APLF: variants seen among roughly 807,000 people sequenced by gnomAD.
APLF encodes the protein aprataxin and PNK-like factor.
In APLF, 61 loss-of-function variants were observed where a neutral mutation model predicts 55.6. The observed-to-expected ratio is 1.10, with a 90% CI of 0.89 to 1.36. APLF has a LOEUF of 1.36. APLF is among the 40% of genes most tolerant of loss of function. The pLI is 0.00. For missense variants in APLF, 611 were observed against 602.5 expected, an observed-to-expected ratio of 1.01 and a Z score of -0.15; for synonymous variants, 207 against 214.8, an observed-to-expected ratio of 0.96 and a Z score of 0.32.
chr2:68,558,863 C>T (rs963286818), intron 8 of APLF, among the ~76,000 whole-genome samples: 4 of 152,032 alleles, frequency 2.6e-5, no homozygotes, highest in Non-Finnish European at 4.4e-5. Flanking sequence ...CATGTATTCT[C>T]ATTGTTCAGC....
intron 5 of APLF, among the ~76,000 whole-genome samples, chr2:68,517,309 AAT>A (rs1198726334): frequency 8.4e-6 from 1 of 118,952 alleles, no homozygotes; most frequent in Non-Finnish European, 1.6e-5. Flanking sequence ...ATTACTATAT[AAT>A]ATATTAATAT....
At chr2:68,536,667 A>G (rs1447755325) in intron 6 of APLF, among the ~76,000 whole-genome samples, 1 of 152,162 alleles carries the variant, frequency 6.6e-6, no homozygotes, top group African/African-American at 2.4e-5. Context: ...TAATGAGAGT[A>G]TTTATTTGGT....
intron 5 of APLF, chr2:68,515,712 AAGAT>A (rs1317844059): frequency 1.0e-6 from 1 of 983,708 alleles, no homozygotes; most frequent in African/African-American, 1.8e-5. Flanking sequence ...GCTTCAAAAT[AAGAT>A]AGAAGAGTCT....
intron 1 of APLF, among the ~76,000 whole-genome samples, chr2:68,487,025 A>G (rs1676197199): frequency 6.6e-6 from 1 of 152,096 alleles, no homozygotes; most frequent in Admixed American, 6.5e-5. Flanking sequence ...TTGCAGACCA[A>G]CATCAGTCAT....
intron 2 of APLF, among the ~76,000 whole-genome samples, chr2:68,499,056 TG>T (rs1244747208): frequency 6.6e-6 from 1 of 152,136 alleles, no homozygotes; most frequent in Admixed American, 6.5e-5. Flanking sequence ...AACAAAACAC[TG>T]AAAATAAGGT....
At chr2:68,569,770 CAA>C (rs1288873069) in intron 9 of APLF, among the ~76,000 whole-genome samples, 4 of 152,112 alleles carry the variant, frequency 2.6e-5, no homozygotes, top group East Asian at 1.9e-4. Context: ...AAGGATGAAT[CAA>C]GAGGATTTAC....
rs569395122 is a variant in APLF, at chr2:68,528,024, G to A, written c.804+1782G>A. On this transcript the variant is annotated intron_variant, in intron 6 of 9. Coordinates refer to ENST00000303795, the MANE Select transcript of APLF (RefSeq NM_173545.3). ...CTCGTCACTTCCCAGAGAGGGCGGG[G>A]GCTAGGCAGAGGCGCTCCTCACTGC... 4.0e-5 allele frequency among the ~76,000 whole-genome samples: 6 copies of A among 150,006 alleles called. No individual in the cohort carries two copies. In the South Asian group the frequency reaches 1.3e-3, roughly 32 times the overall value.
intron 8 of APLF, among the ~76,000 whole-genome samples, chr2:68,554,987 G>C (rs1355425104): frequency 6.6e-6 from 1 of 151,878 alleles, no homozygotes; most frequent in African/African-American, 2.4e-5. Flanking sequence ...AGAATAGAGA[G>C]CCCAGAAAAA....
intron 1 of APLF, among the ~76,000 whole-genome samples, chr2:68,488,515 T>C (rs1676257789): frequency 6.6e-6 from 1 of 151,808 alleles, no homozygotes; most frequent in African/African-American, 2.4e-5. Flanking sequence ...TTTTACTTTA[T>C]GTAGAGATGG....
intron 1 of APLF, among the ~76,000 whole-genome samples, chr2:68,485,543 G>C (rs537487261): frequency 6.6e-6 from 1 of 152,220 alleles, no homozygotes; most frequent in South Asian, 2.1e-4. Flanking sequence ...AATCTGTGGA[G>C]TGATACTGAG....
chr2:68,494,308 GAAAA>G (rs1158203729), intron 2 of APLF, among the ~76,000 whole-genome samples: 1 of 128,322 alleles, frequency 7.8e-6, no homozygotes, highest in Non-Finnish European at 1.7e-5. Flanking sequence ...AAAAAGAAAA[GAAAA>G]AAGATTTAAT....
intron 8 of APLF, among the ~76,000 whole-genome samples, chr2:68,564,037 T>C (rs1160406464): frequency 1.3e-5 from 2 of 152,082 alleles, no homozygotes; most frequent in Non-Finnish European, 1.5e-5. Context: ...AGTAACCATT[T>C]TTTCTAAAGT....
chr2:68,513,872 C>T (rs1669490919), intron 5 of APLF, among the ~76,000 whole-genome samples, 192 bp downstream of exon 5: 1 of 151,588 alleles, frequency 6.6e-6, no homozygotes, highest in Non-Finnish European at 1.5e-5. Flanking sequence ...TGCCATTTAT[C>T]AAATACCACC....
chr2:68,535,346 G>T, intron 6 of APLF: 1 of 426,452 alleles, frequency 2.3e-6, no homozygotes, highest in African/African-American at 2.1e-5. Flanking sequence ...ACCTCCATTT[G>T]CCTCATCCTT....
At chr2:68,540,255 G>T (rs1670511036) in intron 7 of APLF, among the ~76,000 whole-genome samples, 1 of 151,974 alleles carries the variant, frequency 6.6e-6, no homozygotes, top group Non-Finnish European at 1.5e-5. Flanking sequence ...GTGAGAACAT[G>T]CAGTGTTTGG....
In APLF at chr2:68,530,592, T is replaced by C. The variant is rs562898212; in HGVS notation, c.804+4350T>C. Among the ~76,000 whole-genome samples, 297 of 152,312 alleles carry C rather than the reference T, an allele frequency of 1.9e-3. 1 individual carries two copies. Among genetic ancestry groups the C allele is most frequent in the African/African-American group, 6.8e-3 (283 of 41,572 alleles). On this transcript the variant is annotated intron_variant, in intron 6 of 9. Transcript: ENST00000303795. ...TTCTCTGGTCTTCCTGGAATGTGTC[T>C]AGAAAGCAAATACATTATTTACAAG...
intron 1 of APLF, among the ~76,000 whole-genome samples, chr2:68,469,279 G>A (rs1052645568): frequency 2.0e-5 from 3 of 152,048 alleles, no homozygotes; most frequent in African/African-American, 7.2e-5. Context: ...GGTGACTAAC[G>A]AGTTTTGACT....
chr2:68,497,933 C>T (rs1394384693), intron 2 of APLF, among the ~76,000 whole-genome samples: 1 of 152,134 alleles, frequency 6.6e-6, no homozygotes, highest in Admixed American at 6.5e-5. Flanking sequence ...AGAAACCAGA[C>T]TAGCTAATAA....
At chr2:68,510,422 G>GA (rs1677010927) in intron 3 of APLF, among the ~76,000 whole-genome samples, 1 of 151,796 alleles carries the variant, frequency 6.6e-6, no homozygotes, top group South Asian at 2.1e-4. Context: ...AGTAGAACAT[G>GA]AAAAAATGTT....
Sources: gnomAD v4.1 joint callset for allele counts (sites outside exome capture counted in the v4.1 genomes callset) on GRCh38, gnomAD v4.1.1 for gene constraint, MANE v1.5 for transcripts, NCBI Gene and HGNC (gene_info 2026-07-23, HGNC 2026-07-21) for gene names.